The following MTREX variants were observed in gnomAD, a reference collection of about 807,000 sequenced individuals.
MTREX encodes the protein exosome RNA helicase MTR4.
Under a neutral mutation model 135.4 loss-of-function variants are expected in MTREX, and 76 were observed. The ratio of observed to expected loss-of-function variants is 0.56; its 90% confidence interval spans 0.47 to 0.68. MTREX has a LOEUF of 0.68. Among genes scored for constraint, MTREX ranks in the 30% least tolerant of loss-of-function variants. MTREX has a pLI of 0.00. For synonymous variants in MTREX, 404 were observed against 401.6 expected (o/e 1.01, Z -0.07); for missense variants, 920 against 1,262.1 (o/e 0.73, Z 4.11).
At chr5:55,375,924 G>T (rs62360528) in intron 16 of MTREX, among the ~76,000 whole-genome samples, 21,356 of 152,118 alleles carry the variant, frequency 0.14, 1,893 homozygotes, top group East Asian at 0.26. Flanking sequence ...TCCCTTTCTT[G>T]TTATATAAAT....
intron 5 of MTREX, among the ~76,000 whole-genome samples, chr5:55,334,703 A>G (rs1561189548): frequency 6.6e-6 from 1 of 152,058 alleles, no homozygotes; most frequent in East Asian, 1.9e-4. Context: ...ACTTCCATCT[A>G]TTTAGTTCTC....
intron 5 of MTREX, among the ~76,000 whole-genome samples, chr5:55,339,183 C>T (rs1205813187): frequency 1.3e-5 from 2 of 152,122 alleles, no homozygotes; most frequent in Non-Finnish European, 2.9e-5. Flanking sequence ...TTTTTTCCTA[C>T]ATATGGTCAT....
Position 55,424,870 on chromosome 5 carries a change from AT to A in MTREX, c.*102del, listed in dbSNP as rs1751126190. On this transcript the variant is annotated 3_prime_UTR_variant, in exon 27 of 27. Transcript: ENST00000230640. ...AAGTGTGGATTTGGTTCTCCCATAC[AT>A]TTTAATATGTATTATATTTAAATCA... The A allele has an allele frequency of 3.7e-6, 3 of 813,446 alleles. No individual in the cohort carries two copies. Among genetic ancestry groups the A allele is most frequent in the Non-Finnish European group, 6.2e-6 (3 of 485,402 alleles). 50.4% of individuals were successfully genotyped at this position (813,446 alleles called of 1,614,324 possible).
chr5:55,422,169 A>G (rs1342345846), intron 25 of MTREX, among the ~76,000 whole-genome samples: 1 of 152,192 alleles, frequency 6.6e-6, no homozygotes, highest in Non-Finnish European at 1.5e-5. Context: ...TAGAGAAAGG[A>G]TCTCACAATC....
intron 18 of MTREX, among the ~76,000 whole-genome samples, chr5:55,386,925 A>G (rs2111565157): frequency 6.6e-6 from 1 of 152,208 alleles, no homozygotes; most frequent in Non-Finnish European, 1.5e-5. Context: ...GGAAGACTTG[A>G]TAGTTGATCA....
In MTREX at chr5:55,324,179, T is replaced by C. The variant is rs1749332213; in HGVS notation, c.320T>C (p.Val107Ala). 1 of 1,610,260 alleles carries C rather than the reference T, an allele frequency of 6.2e-7. No individual in the cohort carries two copies. Among genetic ancestry groups the C allele is most frequent in the East Asian group, 2.2e-5 (1 of 44,722 alleles). Residue 107 changes from valine to alanine, a missense_variant, in exon 3 of 27, where the codon GTT (valine) becomes GCT (alanine). Transcript: ENST00000230640. Reference sequence around the variant, plus strand: ...GTCAAGGTACAATCAGTTGAAACTGTTGAAGGGTGTACACATGAGGTAAGC... The same window carrying C: ...GTCAAGGTACAATCAGTTGAAACTGCTGAAGGGTGTACACATGAGGTAAGC... ...PRVKVQSVET[V>A]EGCTHEVALP...
chr5:55,379,930 G>C (rs908931956), intron 18 of MTREX, among the ~76,000 whole-genome samples: 1 of 151,978 alleles, frequency 6.6e-6, no homozygotes, highest in African/African-American at 2.4e-5. Context: ...TACATTTTTT[G>C]TTTATTTTTT....
Position 55,423,326 on chromosome 5 carries a change from A to G in MTREX, c.3076+344A>G, listed in dbSNP as rs183138786. 127 of 214,616 alleles carry G rather than the reference A, an allele frequency of 5.9e-4. 2 individuals carry two copies. In the East Asian group the frequency reaches 0.014, roughly 23 times the overall value. The allele number at this position is 214,616 out of a possible 1,614,324, so 13.3% of individuals were successfully genotyped here. A position where few individuals can be genotyped will look rare whatever the true frequency, so the allele number is the denominator to read the frequency against. On this transcript the variant is annotated intron_variant, in intron 26 of 26. Transcript: ENST00000230640. ...CAACAATTAAATTTATCAGATGGTG[A>G]TAAGTCTGTAAGATAAAAACAAAGC...
intron 4 of MTREX, 65 bp from the exon 5 acceptor site, chr5:55,328,634 G>T: frequency 8.8e-7 from 1 of 1,137,850 alleles, no homozygotes; most frequent in South Asian, 1.3e-5. Flanking sequence ...CTTGTGTTTT[G>T]ATTTTAAGTA....
Position 55,308,102 on chromosome 5 carries a change from A to G in MTREX, c.89A>G (p.Asp30Gly), listed in dbSNP as rs1248963512. The stretch of plus-strand genomic sequence containing the variant: ...GGAACCAAAAAAGACAAGGAAAAGG[A>G]CAAGGGGAAATGGAAGGGGCCTCCA... ...AAGTKKDKEK[D>G]KGKWKGPPGS... The change falls in exon 1 of 27, where the codon GAC becomes GGC. Residue 30 changes from aspartate (D) to glycine (G), a missense_variant. Physicochemically the swap from Asp to Gly is moderately conservative, Grantham distance 94. This residue lies in a region of MTREX where 136 missense variants were observed against 126.7 expected (regional missense o/e 1.07). Transcript: ENST00000230640. The G allele has an allele frequency of 1.2e-6, 2 of 1,613,866 alleles. No individual in the cohort carries two copies. Among genetic ancestry groups the G allele is most frequent in the Admixed American group, 1.7e-5 (1 of 60,006 alleles).
chr5:55,398,246 GAAA>G (rs1178055026), intron 20 of MTREX, among the ~76,000 whole-genome samples: 1 of 131,752 alleles, frequency 7.6e-6, no homozygotes, highest in East Asian at 2.2e-4. Context: ...TCTCTTTTAA[GAAA>G]AAAAAAAAAA....
chr5:55,308,300 G>A (rs1033238879), intron 1 of MTREX, among the ~76,000 whole-genome samples, 153 bp downstream of exon 1: 6 of 152,008 alleles, frequency 3.9e-5, no homozygotes, highest in African/African-American at 1.4e-4. Context: ...GAGGGTGGAA[G>A]AATGTTGGTT....
At chr5:55,340,327 G>A (rs1434436175) in intron 6 of MTREX, 143 bp downstream of exon 6, 2 of 439,712 alleles carry the variant, frequency 4.5e-6, no homozygotes, top group African/African-American at 4.1e-5. Context: ...AGGCAAAATG[G>A]ATAACATTTA....
At chr5:55,350,599 T>C (rs1749809812) in intron 12 of MTREX, among the ~76,000 whole-genome samples, 1 of 152,184 alleles carries the variant, frequency 6.6e-6, no homozygotes, top group African/African-American at 2.4e-5. Context: ...ATCTTTTAAG[T>C]TTATTTTCTA....
chr5:55,328,810 G>T lies in MTREX; in HGVS notation c.514G>T (p.Glu172Ter), dbSNP rs1473295521. 6.4e-7 allele frequency: 1 copy of T among 1,571,698 alleles called. No homozygotes were observed. Among genetic ancestry groups the T allele is most frequent in the African/African-American group, 1.4e-5 (1 of 73,784 alleles). Residue 172 changes from glutamate to a stop codon, truncating the protein, a stop_gained and splice_region_variant, in exon 5 of 27, where the codon GAG becomes TAG. Coordinates refer to ENST00000230640, the MANE Select transcript of MTREX (RefSeq NM_015360.5). LOFTEE classifies it high-confidence loss of function. ...HTSAGKTVCA[E>*]YAIALALREK... ...CTCAGCGGGAAAAACAGTATGCGCC[G>T]AGTGAGTAGCTTCCTTTTTAAAGTC...
intron 15 of MTREX, 105 bp from the exon 16 acceptor site, chr5:55,366,620 T>C: frequency 3.9e-6 from 3 of 772,464 alleles, no homozygotes; most frequent in Non-Finnish European, 5.7e-6. Flanking sequence ...TACATTTCTG[T>C]AGTATTTCTT....
At chr5:55,380,021 C>T (rs945304435) in intron 18 of MTREX, among the ~76,000 whole-genome samples, 6 of 152,082 alleles carry the variant, frequency 3.9e-5, no homozygotes, top group East Asian at 1.9e-4. Flanking sequence ...CTGCAATCTC[C>T]GCCTCCCGGT....
chr5:55,390,203 A>G (rs959340509), intron 19 of MTREX, among the ~76,000 whole-genome samples: 4 of 152,048 alleles, frequency 2.6e-5, no homozygotes, highest in Admixed American at 6.6e-5. Context: ...CCTGGGTCCA[A>G]GTGATTCTCC....
rs775125158 is a variant in MTREX, at chr5:55,322,483, TA to T, written c.272+22del. ...ACTTAAGGTAATATTTCCAAAGTCCTAAATGTTAGTAACTCATAATTCAGGT... is the reference window on the plus strand; with the variant it reads ...ACTTAAGGTAATATTTCCAAAGTCCTAATGTTAGTAACTCATAATTCAGGT... On this transcript the variant is annotated intron_variant, in intron 2 of 26. Coordinates refer to ENST00000230640, the MANE Select transcript of MTREX (RefSeq NM_015360.5). 1 of 1,547,968 alleles carries T rather than the reference TA, an allele frequency of 6.5e-7. No individual in the cohort carries two copies. Among genetic ancestry groups the T allele is most frequent in the South Asian group, 1.3e-5 (1 of 79,258 alleles).
Sources: allele counts gnomAD v4.1 joint callset (sites outside exome capture counted in the v4.1 genomes callset), GRCh38; gene constraint gnomAD v4.1.1; regional missense constraint gnomAD v4.1.1; transcripts MANE v1.5; gene names NCBI Gene and HGNC (gene_info 2026-07-23, HGNC 2026-07-21).